PRRG4: variants seen among roughly 807,000 people sequenced by gnomAD.
PRRG4 encodes proline rich and Gla domain 4.
A neutral mutation model predicts 20.0 loss-of-function variants in PRRG4; 12 were observed. The ratio of observed to expected loss-of-function variants is 0.60; its 90% CI spans 0.38 to 0.97. The LOEUF (loss-of-function observed/expected upper bound fraction) is 0.97. Ranked by LOEUF, PRRG4 falls within the 50% of genes least tolerant of loss-of-function variation. PRRG4 has a pLI of 0.00. For synonymous variants in PRRG4, 94 were observed against 96.4 expected (o/e 0.98, Z 0.15); for missense variants, 199 against 265.1 (o/e 0.75, Z 1.73).
chr11:32,840,976 T>A lies in PRRG4; in HGVS notation c.449+737T>A, dbSNP rs148235972. On this transcript the variant is annotated intron_variant, in intron 5 of 5. Coordinates refer to ENST00000257836, the MANE Select transcript of PRRG4 (RefSeq NM_024081.6). The surrounding 1 kb of genome is among the most constrained non-coding windows in gnomAD (Gnocchi z 4.1). ...GAAAGATTCATAAAGGCCATAATTGTTTGCATAATAGAAGCTCAGCATCCC... is the reference window on the plus strand; with the variant it reads ...GAAAGATTCATAAAGGCCATAATTGATTGCATAATAGAAGCTCAGCATCCC... Among the ~76,000 whole-genome samples, 390 of 152,222 alleles carry A rather than the reference T, an allele frequency of 2.6e-3. 1 individual carries two copies. The highest frequency in any genetic ancestry group is 8.8e-3 in the African/African-American group (365 of 41,546).
At chr11:32,831,755 T>C (rs1169066799) in intron 2 of PRRG4, among the ~76,000 whole-genome samples, 2 of 152,122 alleles carry the variant, frequency 1.3e-5, no homozygotes, top group Non-Finnish European at 2.9e-5. Flanking sequence ...GCACGGTGGC[T>C]CACACCTGTA....
rs531139766 is a variant in PRRG4 at position 32,846,717 on chromosome 11, G to A, written c.449+6478G>A. On this transcript the variant is annotated intron_variant, in intron 5 of 5. Transcript: ENST00000257836. ...TTGATGCCTGATTAGAAAGAACTTG[G>A]GGCCACACGCGGTGGCTCATGCCTG... is the stretch of plus-strand genomic sequence containing the variant. Among the ~76,000 whole-genome samples the A allele has an allele frequency of 9.2e-5, 14 of 152,088 alleles. 1 individual carries two copies. Among genetic ancestry groups the A allele is most frequent in the Admixed American group, 2.0e-4 (3 of 15,272 alleles).
chr11:32,836,868 T>G, intron 3 of PRRG4, 47 bp downstream of exon 3: 4 of 1,510,258 alleles, frequency 2.6e-6, no homozygotes. Flanking sequence ...TAAATTGTAC[T>G]TAAGAAAGTG....
chr11:32,832,542 G>A (rs1009517708), intron 2 of PRRG4, among the ~76,000 whole-genome samples: 7 of 146,282 alleles, frequency 4.8e-5, no homozygotes, highest in East Asian at 2.1e-4. Context: ...GTGCAGTGGC[G>A]TGATCACGGC....
intron 2 of PRRG4, among the ~76,000 whole-genome samples, chr11:32,832,568 C>T (rs1277155706): frequency 6.7e-6 from 1 of 150,366 alleles, no homozygotes; most frequent in African/African-American, 2.4e-5. Flanking sequence ...GCAACCTCCA[C>T]CTCCTGGGTT....
chr11:32,852,987 A>C (rs1851197004), intron 5 of PRRG4, among the ~76,000 whole-genome samples: 1 of 122,302 alleles, frequency 8.2e-6, no homozygotes, highest in African/African-American at 3.3e-5. Flanking sequence ...ACAGGGTTTC[A>C]CCATGTTAGC....
chr11:32,837,959 CT>C (rs1851039708), intron 3 of PRRG4, among the ~76,000 whole-genome samples: 1 of 152,080 alleles, frequency 6.6e-6, no homozygotes, highest in South Asian at 2.1e-4. Context: ...CCCAGGTATC[CT>C]TCCCTACAAG....
At chr11:32,836,085 G>A (rs139594582) in intron 2 of PRRG4, among the ~76,000 whole-genome samples, 12 of 152,164 alleles carry the variant, frequency 7.9e-5, no homozygotes, top group Admixed American at 7.2e-4. Context: ...CCCGGTGACA[G>A]AGTGAGGCCC....
intron 3 of PRRG4, among the ~76,000 whole-genome samples, chr11:32,837,781 C>T (rs188766207): frequency 1.7e-3 from 255 of 152,096 alleles, no homozygotes; most frequent in African/African-American, 5.9e-3. Flanking sequence ...TGGTCTCAAA[C>T]ACCTGAGCTC....
rs1403534377 is a variant in PRRG4 at position 32,840,516 on chromosome 11, A to T, written c.449+277A>T. The stretch of plus-strand genomic sequence containing the variant: ...ACTATTAACTAAACTCCAGACTTTG[A>T]TTTCAGCAGTTTTCCCACTGGTGTT... On this transcript the variant is annotated intron_variant, in intron 5 of 5. Transcript: ENST00000257836. This position sits in a 1 kb window ranked among gnomAD's most constrained non-coding sequence, Gnocchi z 4.1. Among the ~76,000 whole-genome samples the T allele has an allele frequency of 6.6e-6, 1 of 152,178 alleles. No individual in the cohort carries two copies. Among genetic ancestry groups the T allele is most frequent in the Non-Finnish European group, 1.5e-5 (1 of 68,028 alleles).
intron 5 of PRRG4, among the ~76,000 whole-genome samples, chr11:32,851,215 T>A (rs1851180476): frequency 6.6e-6 from 1 of 152,214 alleles, no homozygotes; most frequent in East Asian, 1.9e-4. Flanking sequence ...ATTTCAGTCA[T>A]GTAAGATTGT....
chr11:32,851,920 G>A (rs1351477576), intron 5 of PRRG4, among the ~76,000 whole-genome samples: 1 of 152,068 alleles, frequency 6.6e-6, no homozygotes, highest in Admixed American at 6.6e-5. Flanking sequence ...AACTATAGGA[G>A]GTTAATGTAT....
At chr11:32,842,398 C>T (rs1851087244) in intron 5 of PRRG4, among the ~76,000 whole-genome samples, 1 of 151,968 alleles carries the variant, frequency 6.6e-6, no homozygotes, top group South Asian at 2.1e-4. Flanking sequence ...ATTATATTGT[C>T]AGAATTAGAG....
At chr11:32,852,403 C>A (rs1851190949) in intron 5 of PRRG4, among the ~76,000 whole-genome samples, 1 of 152,152 alleles carries the variant, frequency 6.6e-6, no homozygotes, top group African/African-American at 2.4e-5. Flanking sequence ...AAGGATTGGC[C>A]AGGCAGCAGG....
At chr11:32,845,878 C>T (rs56045207) in intron 5 of PRRG4, among the ~76,000 whole-genome samples, 6 of 152,046 alleles carry the variant, frequency 3.9e-5, no homozygotes, top group African/African-American at 1.4e-4. Flanking sequence ...AAGCCAAGGC[C>T]AGGCACGGTG....
intron 3 of PRRG4, among the ~76,000 whole-genome samples, chr11:32,837,270 A>G (rs954653806): frequency 1.2e-4 from 18 of 152,098 alleles, no homozygotes; most frequent in Non-Finnish European, 2.9e-5. Flanking sequence ...TTGTATTTCA[A>G]GTATTTACTG....
chr11:32,849,534 C>T (rs1003233497), intron 5 of PRRG4, among the ~76,000 whole-genome samples: 4 of 151,560 alleles, frequency 2.6e-5, no homozygotes, highest in African/African-American at 2.4e-5. Context: ...CGTGGTGGTG[C>T]GCGCCTGTAA....
At chr11:32,847,298 T>G (rs7104571) in intron 5 of PRRG4, among the ~76,000 whole-genome samples, 61,530 of 148,490 alleles carry the variant, frequency 0.41, 12,420 homozygotes, top group African/African-American at 0.45. Flanking sequence ...ATAACCCACG[T>G]TTTTTTTAGT....
intron 4 of PRRG4, among the ~76,000 whole-genome samples, chr11:32,839,719 A>AGT (rs1565114609): frequency 0.024 from 3,310 of 137,508 alleles, 148 homozygotes; most frequent in African/African-American, 0.087. Flanking sequence ...TTAAAATATA[A>AGT]ATATATTTTG....
Sources: allele counts gnomAD v4.1 joint callset (sites outside exome capture counted in the v4.1 genomes callset), GRCh38; gene constraint gnomAD v4.1.1; non-coding constraint Gnocchi (gnomAD v3.1); transcripts MANE v1.5; gene names NCBI Gene and HGNC (gene_info 2026-07-23, HGNC 2026-07-21).